Variants in SLC4A4 observed in about 807,000 individuals in gnomAD.
The protein encoded by SLC4A4 is electrogenic sodium bicarbonate cotransporter 1.
In SLC4A4, 27 loss-of-function variants were observed where a neutral mutation model predicts 111.5. The ratio of observed to expected loss-of-function variants is 0.24; its 90% CI spans 0.18 to 0.33. The LOEUF (loss-of-function observed/expected upper bound fraction) is 0.33. Among genes scored for constraint, SLC4A4 ranks in the 10% least tolerant of loss-of-function variants. The probability of loss-of-function intolerance (pLI) is 1.00; values close to 1 mark genes in which losing one functional copy is unlikely to be tolerated. For synonymous variants in SLC4A4, 443 were observed against 463.4 expected (o/e 0.96, Z 0.57); for missense variants, 909 against 1,315.5 (o/e 0.69, Z 4.78).
chr4:71,477,212 G>A (rs545122177), intron 14 of SLC4A4, among the ~76,000 whole-genome samples: 77 of 151,814 alleles, frequency 5.1e-4, no homozygotes, highest in African/African-American at 1.6e-3. Flanking sequence ...TAGTGATTGT[G>A]CCTATTCTTA....
intron 18 of SLC4A4, among the ~76,000 whole-genome samples, chr4:71,536,473 T>TATATATATATATATAC (rs1734473817): frequency 1.1e-5 from 1 of 88,332 alleles, no homozygotes; most frequent in Admixed American, 1.4e-4. Context: ...TACATATATA[T>TATATATATATATATAC]ATATATATAT....
In SLC4A4 at chr4:71,567,042, T is replaced by C; in HGVS notation, c.3235T>C (p.Cys1079Arg). The change falls in exon 25 of 26, where the codon TGC (cysteine) becomes CGC (arginine). Residue 1079 changes from cysteine to arginine, a missense_variant. Around this residue, in one of 7 missense-constraint regions of SLC4A4, gnomAD observed 85 missense variants for 79.8 expected, o/e 1.07. Coordinates refer to ENST00000264485, the MANE Select transcript of SLC4A4 (RefSeq NM_001098484.3). Reference protein sequence around the residue: ...SPTFLERHTSC With the variant: ...SPTFLERHTSR ...AACATTCCTTGAACGCCACACATCA[T>C]GCTGATAAAATTCCTTTCCTTCAGT... 1.9e-6 allele frequency: 3 copies of C among 1,610,362 alleles called. No individual in the cohort carries two copies. In the East Asian group the frequency reaches 6.7e-5, roughly 36 times the overall value.
chr4:71,164,541 A>G (rs1181422106), intron 2 of SLC4A4, among the ~76,000 whole-genome samples: 1 of 46,918 alleles, frequency 2.1e-5, no homozygotes, highest in Non-Finnish European at 4.1e-5. Flanking sequence ...GAAAGAAATG[A>G]AAAAACAAAA....
intron 17 of SLC4A4, 83 bp downstream of exon 17, chr4:71,532,258 G>T (rs1411564847): frequency 4.6e-6 from 4 of 866,032 alleles, no homozygotes; most frequent in African/African-American, 3.3e-5. Flanking sequence ...GTTTCTCTTT[G>T]AGTTAGTTTT....
At chr4:71,106,322 G>A (rs1742917500) in intron 2 of SLC4A4, among the ~76,000 whole-genome samples, 1 of 151,068 alleles carries the variant, frequency 6.6e-6, no homozygotes, top group Non-Finnish European at 1.5e-5. Flanking sequence ...TATACTGTTG[G>A]TGGGATTGTA....
chr4:71,332,572 G>T (rs1728095842), intron 3 of SLC4A4, among the ~76,000 whole-genome samples: 1 of 151,740 alleles, frequency 6.6e-6, no homozygotes, highest in African/African-American at 2.4e-5. Context: ...AGCCTCCCGA[G>T]TAGCTGGGAC....
At chr4:71,473,178 G>A in intron 14 of SLC4A4, 1 of 697,942 alleles carries the variant, frequency 1.4e-6, no homozygotes, top group Non-Finnish European at 2.6e-6. Flanking sequence ...AGGAGCTCTG[G>A]AATGTGAACA....
At chr4:71,087,171 A>G (rs28782536) in intron 1 of SLC4A4, among the ~76,000 whole-genome samples, 14,710 of 151,992 alleles carry the variant, frequency 0.097, 995 homozygotes, top group African/African-American at 0.18. Context: ...CATTTCTTCT[A>G]GATTTTCTAG....
chr4:71,468,475 A>G (rs1183169963), intron 13 of SLC4A4, among the ~76,000 whole-genome samples: 6 of 151,674 alleles, frequency 4.0e-5, no homozygotes, highest in East Asian at 2.0e-4. Flanking sequence ...TTTTTTTTCT[A>G]TCATAATTGG....
chr4:71,277,258 G>T, intron 3 of SLC4A4, among the ~76,000 whole-genome samples: 1 of 152,094 alleles, frequency 6.6e-6, no homozygotes, highest in Non-Finnish European at 1.5e-5. Context: ...GCTTTCTACT[G>T]ACAGTGTATG....
intron 3 of SLC4A4, among the ~76,000 whole-genome samples, chr4:71,331,002 A>G (rs1253010411): frequency 1.3e-5 from 2 of 152,208 alleles, no homozygotes; most frequent in African/African-American, 2.4e-5. Flanking sequence ...ACTGGCCCTC[A>G]GAGAAATGCA....
rs1379370886 is a variant in SLC4A4 at position 71,563,793 on chromosome 4, T to G, written c.3100T>G (p.Ser1034Ala). The G allele has an allele frequency of 2.5e-6, 4 of 1,595,400 alleles. No individual in the cohort carries two copies. The highest frequency in any genetic ancestry group is 3.4e-6 in the Non-Finnish European group (4 of 1,163,654). ...AACCTCTTGTACATTTTTTTCACAG[T>G]CTGACTGCCCATACTCAGAAAAAGT... is the stretch of plus-strand genomic sequence containing the variant. The part of the protein sequence containing the change: ...KGSLDSDNDD[S>A]DCPYSEKVPS... Residue 1034 changes from serine to alanine, a missense_variant and splice_region_variant, in exon 24 of 26, where the codon TCT (serine) becomes GCT (alanine). Transcript: ENST00000264485.
intron 1 of SLC4A4, among the ~76,000 whole-genome samples, chr4:71,235,300 T>C (rs2149036455): frequency 6.6e-6 from 1 of 152,278 alleles, no homozygotes; most frequent in East Asian, 1.9e-4. Context: ...TCTAAAATAG[T>C]AAGGACAAAA....
chr4:71,465,178 A>G (rs1214685330), intron 12 of SLC4A4, among the ~76,000 whole-genome samples: 3 of 152,066 alleles, frequency 2.0e-5, no homozygotes, highest in Non-Finnish European at 4.4e-5. Context: ...ACTTCTAACA[A>G]CATGTAATTT....
At chr4:71,087,704 G>A (rs926380937) in intron 1 of SLC4A4, among the ~76,000 whole-genome samples, 2 of 152,094 alleles carry the variant, frequency 1.3e-5, no homozygotes, top group Non-Finnish European at 2.9e-5. Flanking sequence ...TTTCCATGTA[G>A]TTGAGCGGTT....
intron 7 of SLC4A4, among the ~76,000 whole-genome samples, chr4:71,433,414 C>G (rs530400762): frequency 6.6e-6 from 1 of 151,950 alleles, no homozygotes; most frequent in East Asian, 1.9e-4. Context: ...CCCTATCTCT[C>G]CTGCAGCATT....
At chr4:71,219,892 C>T (rs1217124188) in intron 1 of SLC4A4, among the ~76,000 whole-genome samples, 1 of 152,194 alleles carries the variant, frequency 6.6e-6, no homozygotes, top group Non-Finnish European at 1.5e-5. Context: ...GTTACAACCT[C>T]ATGACAAACT....
At chr4:71,413,888 A>G (rs1176376024) in intron 7 of SLC4A4, among the ~76,000 whole-genome samples, 1 of 152,040 alleles carries the variant, frequency 6.6e-6, no homozygotes, top group Non-Finnish European at 1.5e-5. Context: ...TGGTCTGTGC[A>G]TCTCTTCCCC....
At chr4:71,479,744 A>C (rs575117850) in intron 14 of SLC4A4, among the ~76,000 whole-genome samples, 2 of 151,820 alleles carry the variant, frequency 1.3e-5, no homozygotes, top group Admixed American at 1.3e-4. Context: ...CACAGTTGAC[A>C]TTTTATCATT....
Sources: gnomAD v4.1 joint callset for allele counts (sites outside exome capture counted in the v4.1 genomes callset) on GRCh38, gnomAD v4.1.1 for gene constraint, gnomAD v4.1.1 regional missense constraint, MANE v1.5 for transcripts, NCBI Gene and HGNC (gene_info 2026-07-23, HGNC 2026-07-21) for gene names.